The following PAM variants were observed in gnomAD, a reference collection of about 807,000 sequenced individuals.
PAM encodes the protein peptidylglycine alpha-amidating monooxygenase.
PAM carries 72 observed loss-of-function variants against 122.1 expected under a neutral mutation model. The ratio of observed to expected loss-of-function variants is 0.59; its 90% CI spans 0.49 to 0.72. The LOEUF is 0.72. PAM is among the 30% of genes least tolerant of loss of function. The pLI is 0.00. For missense variants in PAM, 1,106 were observed against 1,183.7 expected (o/e 0.93, Z 0.96); for synonymous variants, 389 against 404.4 (o/e 0.96, Z 0.46).
At chr5:102,775,761 T>C (rs1455989287) in intron 1 of PAM, among the ~76,000 whole-genome samples, 1 of 152,198 alleles carries the variant, frequency 6.6e-6, no homozygotes, top group Non-Finnish European at 1.5e-5. Flanking sequence ...TTGGGTTGAT[T>C]CCATGTCTTT....
chr5:102,960,827 A>G (rs1182514633), intron 13 of PAM, among the ~76,000 whole-genome samples: 1 of 151,714 alleles, frequency 6.6e-6, no homozygotes, highest in Non-Finnish European at 1.5e-5. Flanking sequence ...GTGTTCTTAA[A>G]TGTTCTTAAA....
intron 23 of PAM, among the ~76,000 whole-genome samples, chr5:103,024,856 A>G (rs184478660): frequency 4.7e-4 from 71 of 152,312 alleles, no homozygotes; most frequent in African/African-American, 1.7e-3. Flanking sequence ...GAAAAATACA[A>G]AAGGATATAT....
intron 1 of PAM, among the ~76,000 whole-genome samples, chr5:102,816,457 G>A (rs1769829456): frequency 6.6e-6 from 1 of 152,052 alleles, no homozygotes; most frequent in Non-Finnish European, 1.5e-5. Context: ...TACAGTCTGG[G>A]CATGTTGTTT....
chr5:102,943,960 A>T (rs1043924907), intron 7 of PAM, among the ~76,000 whole-genome samples: 6 of 152,158 alleles, frequency 3.9e-5, no homozygotes, highest in Non-Finnish European at 8.8e-5. Flanking sequence ...CATTTCTTTC[A>T]TTATCAGACT....
intron 1 of PAM, among the ~76,000 whole-genome samples, chr5:102,782,280 A>G (rs1759179002): frequency 6.6e-6 from 1 of 152,236 alleles, no homozygotes; most frequent in Non-Finnish European, 1.5e-5. Context: ...CTTAAAGCAG[A>G]ACTCTGGTAT....
At chr5:102,808,510 CA>C (rs1200049331) in intron 1 of PAM, among the ~76,000 whole-genome samples, 2 of 152,140 alleles carry the variant, frequency 1.3e-5, no homozygotes, top group African/African-American at 4.8e-5. Context: ...CTTTTTATTT[CA>C]AACTATTCGA....
chr5:102,888,041 ATCGTTAT>A (rs1793689882), intron 3 of PAM, among the ~76,000 whole-genome samples: 1 of 151,984 alleles, frequency 6.6e-6, no homozygotes, highest in Non-Finnish European at 1.5e-5. Context: ...ATTTGTTAGC[ATCGTTAT>A]TCAATTCATG....
At chr5:102,777,757 C>T (rs1175645878) in intron 1 of PAM, among the ~76,000 whole-genome samples, 1 of 152,010 alleles carries the variant, frequency 6.6e-6, no homozygotes, top group Non-Finnish European at 1.5e-5. Flanking sequence ...TATTTTATTT[C>T]CCCCCAGAAA....
chr5:102,956,746 A>G (rs559439204), intron 12 of PAM, among the ~76,000 whole-genome samples: 49 of 152,234 alleles, frequency 3.2e-4, no homozygotes, highest in Admixed American at 1.2e-3. Context: ...ATAATAATGA[A>G]TTTAATTTAG....
At chr5:103,021,969 A>G (rs1783675324) in intron 23 of PAM, among the ~76,000 whole-genome samples, 1 of 152,110 alleles carries the variant, frequency 6.6e-6, no homozygotes, top group African/African-American at 2.4e-5. Context: ...CCAGTGTTCT[A>G]AGGAAGTTGT....
intron 7 of PAM, among the ~76,000 whole-genome samples, chr5:102,929,676 A>C (rs1199045602): frequency 2.6e-5 from 4 of 152,178 alleles, no homozygotes; most frequent in Non-Finnish European, 5.9e-5. Context: ...ATAAAGCACC[A>C]GAAATGAAGG....
chr5:102,810,111 A>G (rs905254159), intron 1 of PAM, among the ~76,000 whole-genome samples: 1 of 152,210 alleles, frequency 6.6e-6, no homozygotes, highest in Non-Finnish European at 1.5e-5. Flanking sequence ...GCTAAATTAT[A>G]TTAGGTTTTT....
intron 1 of PAM, among the ~76,000 whole-genome samples, chr5:102,761,819 G>T (rs1023727449): frequency 1.3e-5 from 2 of 152,212 alleles, no homozygotes; most frequent in South Asian, 4.1e-4. Flanking sequence ...ATTGTTGCAT[G>T]TAACTGGAGG....
chr5:102,818,951 C>T (rs1458122687), intron 1 of PAM, among the ~76,000 whole-genome samples: 1 of 152,104 alleles, frequency 6.6e-6, no homozygotes, highest in East Asian at 1.9e-4. Flanking sequence ...AAAAACATAA[C>T]GAACTGTTGA....
chr5:102,829,829 A>G (rs1007912910), intron 1 of PAM, among the ~76,000 whole-genome samples: 3 of 152,236 alleles, frequency 2.0e-5, no homozygotes, highest in Non-Finnish European at 4.4e-5. Flanking sequence ...CTAGAATCAT[A>G]CCAGATAGAT....
chr5:102,866,186 C>T lies in PAM; in HGVS notation c.-10C>T. 6.2e-7 allele frequency: 1 copy of T among 1,603,190 alleles called. No homozygotes were observed. On this transcript the variant is annotated 5_prime_UTR_variant, in exon 2 of 26. Coordinates refer to ENST00000438793, the MANE Select transcript of PAM (RefSeq NM_001177306.2). Reference sequence around the variant, plus strand: ...CGGTCCTCTCCCGGCGGGGTCGTATCGGCGTGGACATGGCTGGCCGCGTCC... The same window carrying T: ...CGGTCCTCTCCCGGCGGGGTCGTATTGGCGTGGACATGGCTGGCCGCGTCC...
At chr5:103,018,076 CAAAT>C (rs943510405) in intron 22 of PAM, among the ~76,000 whole-genome samples, 10 of 152,116 alleles carry the variant, frequency 6.6e-5, no homozygotes, top group Admixed American at 6.5e-5. Context: ...TATGCTAAAA[CAAAT>C]AAATTTTTTA....
intron 22 of PAM, 135 bp from the exon 23 acceptor site, chr5:103,019,655 T>C: frequency 3.0e-6 from 2 of 659,850 alleles, no homozygotes; most frequent in East Asian, 2.8e-5. Flanking sequence ...TGTATTGAAC[T>C]CTTTCCTAAT....
At chr5:103,017,255 T>C in intron 21 of PAM, 79 bp from the exon 22 acceptor site, 1 of 916,658 alleles carries the variant, frequency 1.1e-6, no homozygotes, top group Non-Finnish European at 1.8e-6. Context: ...GTTGTGGGCT[T>C]TGCTTTGTTT....
Sources: allele counts gnomAD v4.1 joint callset (sites outside exome capture counted in the v4.1 genomes callset), GRCh38; gene constraint gnomAD v4.1.1; transcripts MANE v1.5; gene names NCBI Gene and HGNC (gene_info 2026-07-23, HGNC 2026-07-21).